Variants in CCSER1 observed in about 807,000 individuals in gnomAD.
CCSER1 encodes serine-rich coiled-coil domain-containing protein 1.
In CCSER1, 41 loss-of-function variants were observed where a neutral mutation model predicts 82.0. That is an observed-to-expected ratio of 0.50 (90% confidence interval 0.39 to 0.65). The LOEUF is 0.65. Ranked by LOEUF, CCSER1 falls within the 30% of genes least tolerant of loss-of-function variation. CCSER1 has a pLI of 0.00. For missense variants in CCSER1, 1,119 were observed against 1,064.2 expected, an observed-to-expected ratio of 1.05 and a Z score of -0.72; for synonymous variants, 414 against 383.9, an observed-to-expected ratio of 1.08 and a Z score of -0.92.
chr4:91,178,072 A>T lies in CCSER1; in HGVS notation c.2217+92078A>T, dbSNP rs1022212665. On this transcript the variant is annotated intron_variant, in intron 10 of 10. Coordinates refer to ENST00000509176, the MANE Select transcript of CCSER1 (RefSeq NM_001145065.2). The stretch of plus-strand genomic sequence containing the variant: ...TCTGCCTTCCTTTTGTTATGTACCC[A>T]GTAGTCATTCAGGAGCAGGTTGTTC... Among the ~76,000 whole-genome samples, 17 of 152,236 alleles carry T rather than the reference A, an allele frequency of 1.1e-4. No individual in the cohort carries two copies. The East Asian group carries it at 3.3e-3, about 29-fold the overall frequency.
intron 6 of CCSER1, among the ~76,000 whole-genome samples, chr4:90,638,106 A>C (rs573549716): frequency 6.6e-6 from 1 of 152,268 alleles, no homozygotes; most frequent in South Asian, 2.1e-4. Flanking sequence ...TAATTGTTTG[A>C]CTGTGAAGTT....
chr4:91,164,836 T>G (rs536883874), intron 10 of CCSER1, among the ~76,000 whole-genome samples: 1 of 152,312 alleles, frequency 6.6e-6, no homozygotes, highest in African/African-American at 2.4e-5. Context: ...TTCGTCTAAT[T>G]ATTTTCAATG....
At chr4:90,971,361 AACTC>A (rs1313057400) in intron 9 of CCSER1, among the ~76,000 whole-genome samples, 1 of 151,934 alleles carries the variant, frequency 6.6e-6, no homozygotes, top group Non-Finnish European at 1.5e-5. Context: ...ATCTCTTGAG[AACTC>A]ACTCACTATC....
chr4:90,902,457 AT>A (rs980235569), intron 8 of CCSER1, among the ~76,000 whole-genome samples: 4 of 151,068 alleles, frequency 2.6e-5, no homozygotes, highest in East Asian at 3.9e-4. Context: ...TGGATGGAAG[AT>A]TTTTTTTTGT....
chr4:91,081,929 G>A (rs954889888), intron 9 of CCSER1, among the ~76,000 whole-genome samples: 1 of 152,130 alleles, frequency 6.6e-6, no homozygotes, highest in African/African-American at 2.4e-5. Context: ...CAAACAAATG[G>A]AAGAACATTC....
intron 10 of CCSER1, among the ~76,000 whole-genome samples, chr4:91,538,698 C>CATATATATATATATATATTATAT (rs1553952293): frequency 2.9e-5 from 4 of 138,340 alleles, no homozygotes; most frequent in Admixed American, 7.4e-5. Context: ...TATATATACA[C>CATATATATATATATATATTATAT]ATATATATAT....
At chr4:91,051,331 T>G (rs535520694) in intron 9 of CCSER1, among the ~76,000 whole-genome samples, 1 of 152,262 alleles carries the variant, frequency 6.6e-6, no homozygotes, top group South Asian at 2.1e-4. Context: ...ATATTTACAA[T>G]TAATTATTTT....
At chr4:90,565,641 G>A (rs79742170) in intron 5 of CCSER1, among the ~76,000 whole-genome samples, 1,915 of 152,224 alleles carry the variant, frequency 0.013, 45 homozygotes, top group African/African-American at 0.044. Flanking sequence ...TTAGCTGTGC[G>A]TTTGTCATAT....
chr4:91,526,334 C>T (rs966007518), intron 10 of CCSER1, among the ~76,000 whole-genome samples: 1 of 152,092 alleles, frequency 6.6e-6, no homozygotes, highest in South Asian at 2.1e-4. Flanking sequence ...CTGGAAGCCC[C>T]CTACTTCAAG....
At chr4:91,013,604 C>CTT (rs1188536764) in intron 9 of CCSER1, among the ~76,000 whole-genome samples, 8 of 107,614 alleles carry the variant, frequency 7.4e-5, no homozygotes, top group South Asian at 3.0e-4. Context: ...TTAAGATTTT[C>CTT]TTTTTTTTTT....
chr4:90,967,044 G>A (rs947181440), intron 9 of CCSER1, among the ~76,000 whole-genome samples: 7 of 152,028 alleles, frequency 4.6e-5, no homozygotes, highest in African/African-American at 1.7e-4. Context: ...ACTGGCATAA[G>A]GTCAGAGAGA....
At chr4:91,079,336 G>C (rs146888000) in intron 9 of CCSER1, among the ~76,000 whole-genome samples, 4,232 of 152,094 alleles carry the variant, frequency 0.028, 185 homozygotes, top group African/African-American at 0.096. Flanking sequence ...GCTTCATAAG[G>C]GAAGGAGAAA....
chr4:91,013,779 A>ATTTTTTTTTTT, intron 9 of CCSER1, among the ~76,000 whole-genome samples: 1 of 104,558 alleles, frequency 9.6e-6, no homozygotes, highest in African/African-American at 2.9e-5. Context: ...TTGTTTTTGT[A>ATTTTTTTTTTT]TTTTTTTTTT....
chr4:91,167,098 C>T (rs1235363403), intron 10 of CCSER1, among the ~76,000 whole-genome samples: 2 of 151,204 alleles, frequency 1.3e-5, no homozygotes, highest in African/African-American at 4.9e-5. Flanking sequence ...GTATTTTTGC[C>T]ATTACTTTTA....
At chr4:91,408,701 T>C (rs1476435142) in intron 10 of CCSER1, among the ~76,000 whole-genome samples, 1 of 152,222 alleles carries the variant, frequency 6.6e-6, no homozygotes, top group Admixed American at 6.5e-5. Context: ...TGCTTTATAA[T>C]TTCCACATGC....
chr4:91,513,521 A>C (rs1607075), intron 10 of CCSER1, among the ~76,000 whole-genome samples: 106,247 of 151,918 alleles, frequency 0.7, 37,328 homozygotes, highest in Middle Eastern at 0.73. Context: ...TTTTTTGAAT[A>C]GTTTCAGTAG....
At chr4:91,413,357 G>A (rs543951559) in intron 10 of CCSER1, among the ~76,000 whole-genome samples, 9 of 152,086 alleles carry the variant, frequency 5.9e-5, no homozygotes, top group Non-Finnish European at 1.2e-4. Context: ...CTACTCAGGA[G>A]GTGGTAGTGG....
intron 10 of CCSER1, among the ~76,000 whole-genome samples, chr4:91,384,121 A>G (rs1337584471): frequency 1.3e-5 from 2 of 152,066 alleles, no homozygotes; most frequent in Non-Finnish European, 2.9e-5. Flanking sequence ...TTTGCCCTAA[A>G]TATTGCTGGT....
intron 6 of CCSER1, among the ~76,000 whole-genome samples, chr4:90,639,847 C>A (rs1726154741): frequency 6.6e-6 from 1 of 152,014 alleles, no homozygotes; most frequent in Admixed American, 6.6e-5. Context: ...GTCTGTACAT[C>A]CAGCAAGATC....
Sources: allele counts gnomAD v4.1 joint callset (sites outside exome capture counted in the v4.1 genomes callset), GRCh38; gene constraint gnomAD v4.1.1; transcripts MANE v1.5; gene names NCBI Gene and HGNC (gene_info 2026-07-23, HGNC 2026-07-21).